The following ZNF800 variants were observed in gnomAD, a reference collection of about 807,000 sequenced individuals.
ZNF800 encodes the protein zinc finger protein 800.
Under a neutral mutation model 59.5 loss-of-function variants are expected in ZNF800, and 13 were observed. The ratio of observed to expected loss-of-function variants is 0.22; its 90% CI spans 0.14 to 0.35. The LOEUF is 0.35. Ranked by LOEUF, ZNF800 falls within the 10% of genes least tolerant of loss-of-function variation. ZNF800 has a pLI of 1.00. For missense variants in ZNF800, 621 were observed against 783.7 expected, an observed-to-expected ratio of 0.79 and a Z score of 2.48; for synonymous variants, 266 against 265.7, an observed-to-expected ratio of 1.00 and a Z score of -0.01.
intron 1 of ZNF800, chr7:127,351,640 G>C (rs776042544): frequency 4.6e-5 from 7 of 152,146 alleles, no homozygotes; most frequent in Non-Finnish European, 8.8e-5. Context: ...CAAATGTTTT[G>C]ATTTGTCAGT....
intron 2 of ZNF800, among the ~76,000 whole-genome samples, chr7:127,390,623 T>C (rs1801278914): frequency 6.6e-6 from 1 of 152,228 alleles, no homozygotes; most frequent in African/African-American, 2.4e-5. Flanking sequence ...CAAGCAAATG[T>C]ATTAAAAATC....
downstream of ZNF800, among the ~76,000 whole-genome samples, chr7:127,368,274 T>C (rs1800554998): frequency 6.6e-6 from 1 of 152,194 alleles, no homozygotes. Flanking sequence ...CATTCTACCA[T>C]GTGTTTAATG....
intron 1 of ZNF800, among the ~76,000 whole-genome samples, chr7:127,355,085 T>A (rs1377770592): frequency 1.3e-5 from 2 of 152,204 alleles, no homozygotes; most frequent in African/African-American, 4.8e-5. Flanking sequence ...AATTTTGTGG[T>A]AGAGTTTCAA....
downstream of ZNF800, among the ~76,000 whole-genome samples, chr7:127,369,351 T>C (rs906486529): frequency 2.6e-5 from 4 of 152,116 alleles, no homozygotes; most frequent in Admixed American, 2.6e-4. Context: ...ATCCTCACTA[T>C]AACAATACAA....
chr7:127,344,594 C>A (rs1196896145), downstream of ZNF800, among the ~76,000 whole-genome samples: 2 of 151,946 alleles, frequency 1.3e-5, no homozygotes, highest in Admixed American at 1.3e-4. Flanking sequence ...AACATTTACC[C>A]CCATTGAAAC....
intron 1 of ZNF800, among the ~76,000 whole-genome samples, 169 bp downstream of exon 1, chr7:127,391,891 G>A (rs913003937): frequency 1.3e-5 from 2 of 151,628 alleles, no homozygotes; most frequent in East Asian, 3.9e-4. Context: ...CGTCCCGGGC[G>A]GGCGCGCGGA....
rs1359446249 is a variant in ZNF800 at position 127,374,753 on chromosome 7, G to A, written c.583C>T (p.Pro195Ser). Residue 195 changes from proline (P) to serine (S), a missense_variant, in exon 5 of 6, where the codon CCT becomes TCT. This residue lies in a region of ZNF800 where 218 missense variants were observed against 230.8 expected (regional missense o/e 0.94). Coordinates refer to ENST00000265827, the MANE Select transcript of ZNF800 (RefSeq NM_176814.5). The stretch of plus-strand genomic sequence containing the variant: ...ACTTCATCTGTAACAATCTCAACAG[G>A]AGGGGGCTCTACAGTTTCCACCTCT... Reference protein sequence around the residue: ...DTEVETVEPPPVEIVTDEVAP... With the variant: ...DTEVETVEPPSVEIVTDEVAP... 1 of 1,613,956 alleles carries A rather than the reference G, an allele frequency of 6.2e-7. No homozygotes were observed. The highest frequency in any genetic ancestry group is 1.7e-5 in the Admixed American group (1 of 59,990).
At chr7:127,358,192 GTTC>G (rs555305349) in intron 1 of ZNF800, among the ~76,000 whole-genome samples, 10 of 151,954 alleles carry the variant, frequency 6.6e-5, no homozygotes, top group African/African-American at 2.4e-4. Context: ...CTGGAAAAGT[GTTC>G]TTCTTCCTCC....
intron 3 of ZNF800, among the ~76,000 whole-genome samples, chr7:127,378,054 T>C (rs1259408893): frequency 2.6e-5 from 4 of 152,098 alleles, no homozygotes; most frequent in Non-Finnish European, 5.9e-5. Flanking sequence ...CAATTAAGTA[T>C]TGATATAATT....
chr7:127,352,491 T>C (rs1587420742), intron 1 of ZNF800, among the ~76,000 whole-genome samples: 3 of 152,238 alleles, frequency 2.0e-5, no homozygotes, highest in African/African-American at 4.8e-5. Context: ...TGAGTGGCAG[T>C]TGCATTCCTA....
At chr7:127,379,886 G>C (rs192735375) in intron 3 of ZNF800, among the ~76,000 whole-genome samples, 199 of 113,462 alleles carry the variant, frequency 1.8e-3, no homozygotes, top group Middle Eastern at 8.5e-3. Flanking sequence ...GAGAGAGAGA[G>C]AGAGAGGGAG....
chr7:127,384,056 CATA>C (rs1482510287), intron 3 of ZNF800, among the ~76,000 whole-genome samples: 3 of 151,664 alleles, frequency 2.0e-5, no homozygotes, highest in South Asian at 4.2e-4. Flanking sequence ...ATGATCACAA[CATA>C]ATAAGAAAAT....
intron 1 of ZNF800, among the ~76,000 whole-genome samples, chr7:127,352,939 T>C (rs1311732060): frequency 1.1e-5 from 1 of 92,880 alleles, no homozygotes; most frequent in Non-Finnish European, 2.1e-5. Context: ...TAATTAGAAA[T>C]GGAAATGATG....
At chr7:127,386,194 A>T (rs771986047) in intron 2 of ZNF800, 39 bp from the exon 3 acceptor site, 1 of 1,279,648 alleles carries the variant, frequency 7.8e-7, no homozygotes, top group East Asian at 2.3e-5. Context: ...TCCCCACAAA[A>T]AAAGGGTTAT....
intron 2 of ZNF800, among the ~76,000 whole-genome samples, chr7:127,386,999 T>G (rs1319248509): frequency 6.6e-6 from 1 of 152,032 alleles, no homozygotes; most frequent in Non-Finnish European, 1.5e-5. Context: ...GCCTCACACT[T>G]TAATGCTGCT....
At chr7:127,364,355 T>C (rs1217425679) in intron 1 of ZNF800, 1 of 152,070 alleles carries the variant, frequency 6.6e-6, no homozygotes, top group East Asian at 1.9e-4. Context: ...TCAAAAAATA[T>C]TTACTGAATG....
At position 127,373,537 on chromosome 7, in the gene ZNF800, T is replaced by C; in HGVS notation, c.1799A>G (p.Tyr600Cys). ...DGTSNSPSKK[Y>C]EVADVGIEVK... is the part of the protein sequence containing the mutation. ...TTCAATACCGACGTCAGCTACTTCA[T>C]ACTTTTTACTAGGAGAGTTAGAAGT... Residue 600 changes from tyrosine (Y) to cysteine (C), a missense_variant, in exon 5 of 6, where the codon TAT (tyrosine) becomes TGT (cysteine). By Grantham distance (194) the Tyr-to-Cys change is radical. Around this residue, in one of 7 missense-constraint regions of ZNF800, gnomAD observed 94 missense variants for 108.5 expected, o/e 0.87. Transcript: ENST00000265827. 1 of 1,614,200 alleles carries C rather than the reference T, an allele frequency of 6.2e-7. No homozygotes were observed. Among genetic ancestry groups the C allele is most frequent in the Non-Finnish European group, 8.5e-7 (1 of 1,180,028 alleles).
At chr7:127,344,704 C>T (rs911159017), downstream of ZNF800, among the ~76,000 whole-genome samples, 1 of 151,914 alleles carries the variant, frequency 6.6e-6, no homozygotes, top group Admixed American at 6.6e-5. Context: ...ATTCAGAAAC[C>T]GCTCCAAGTG....
intron 1 of ZNF800, chr7:127,363,985 T>C (rs925004804): frequency 1.4e-4 from 21 of 152,092 alleles, no homozygotes; most frequent in African/African-American, 4.8e-4. Flanking sequence ...AAGAACTTAT[T>C]TGAAGTTTGC....
Sources: gnomAD v4.1 joint callset for allele counts (sites outside exome capture counted in the v4.1 genomes callset) on GRCh38, gnomAD v4.1.1 for gene constraint, gnomAD v4.1.1 regional missense constraint, MANE v1.5 for transcripts, NCBI Gene and HGNC (gene_info 2026-07-23, HGNC 2026-07-21) for gene names.